The following GBE1 variants were observed in gnomAD, a reference collection of about 807,000 sequenced individuals.
GBE1 encodes the protein 1,4-alpha-glucan branching enzyme 1, also known as 1,4-alpha-glucan-branching enzyme.
A neutral mutation model predicts 88.8 loss-of-function variants in GBE1; 70 were observed. The observed-to-expected ratio is 0.79, with a 90% CI of 0.65 to 0.96. GBE1 has a LOEUF of 0.96. Ranked by LOEUF, GBE1 falls within the 40% of genes least tolerant of loss-of-function variation. The pLI, the probability that GBE1 is intolerant of heterozygous loss-of-function variation, is 0.00. For missense variants in GBE1, 872 were observed against 871.0 expected (o/e 1.00, Z -0.01); for synonymous variants, 284 against 300.1 (o/e 0.95, Z 0.56).
intron 7 of GBE1, among the ~76,000 whole-genome samples, chr3:81,615,849 C>T (rs1704242074): frequency 6.6e-6 from 1 of 152,166 alleles, no homozygotes; most frequent in Non-Finnish European, 1.5e-5. Context: ...TTACAAGAAA[C>T]TACTACATTG....
intron 7 of GBE1, among the ~76,000 whole-genome samples, chr3:81,633,270 C>T (rs1040482053): frequency 6.6e-6 from 1 of 152,014 alleles, no homozygotes; most frequent in African/African-American, 2.4e-5. Flanking sequence ...AATTGAGACA[C>T]TGGGGGAAGT....
At chr3:81,504,023 G>A (rs1282373114) in intron 14 of GBE1, among the ~76,000 whole-genome samples, 1 of 152,106 alleles carries the variant, frequency 6.6e-6, no homozygotes, top group Non-Finnish European at 1.5e-5. Context: ...GAGCAAGGAG[G>A]AGGAGTGAAG....
rs778858144 is a variant in GBE1, at chr3:81,618,448, C to T, written c.992+24333G>A. ...ATGAAAAAACTGTAGAGAAGTGATCCCTAGTTGACCTCAGAAAACTCAACT... is the reference window on the plus strand; with the variant it reads ...ATGAAAAAACTGTAGAGAAGTGATCTCTAGTTGACCTCAGAAAACTCAACT... On this transcript the variant is annotated intron_variant, in intron 7 of 15. Coordinates refer to ENST00000429644, the MANE Select transcript of GBE1 (RefSeq NM_000158.4). Among the ~76,000 whole-genome samples, 80 of 152,032 alleles carry T rather than the reference C, an allele frequency of 5.3e-4. No individual in the cohort carries two copies. In the Middle Eastern group the frequency reaches 0.01, roughly 19 times the overall value.
intron 7 of GBE1, among the ~76,000 whole-genome samples, chr3:81,625,582 C>G (rs991072343): frequency 6.6e-6 from 1 of 152,026 alleles, no homozygotes; most frequent in African/African-American, 2.4e-5. Flanking sequence ...AGACTGCAGG[C>G]ATGCACCACT....
chr3:81,620,552 G>A (rs377434330), intron 7 of GBE1, among the ~76,000 whole-genome samples: 3 of 152,202 alleles, frequency 2.0e-5, no homozygotes, highest in East Asian at 1.9e-4. Context: ...ATTTTAGAAA[G>A]TATTCTAATA....
At chr3:81,715,122 A>C (rs1705923771) in intron 1 of GBE1, among the ~76,000 whole-genome samples, 1 of 152,214 alleles carries the variant, frequency 6.6e-6, no homozygotes, top group African/African-American at 2.4e-5. Context: ...CCATTACGGG[A>C]CAGAAAATGG....
At chr3:81,748,701 G>A (rs930664661) in intron 1 of GBE1, among the ~76,000 whole-genome samples, 1 of 151,880 alleles carries the variant, frequency 6.6e-6, no homozygotes, top group Non-Finnish European at 1.5e-5. Context: ...ATGCAAACTT[G>A]TACAGATACT....
intron 3 of GBE1, among the ~76,000 whole-genome samples, chr3:81,655,382 G>T (rs996196551): frequency 1.3e-5 from 2 of 151,984 alleles, no homozygotes; most frequent in Non-Finnish European, 2.9e-5. Context: ...GAAGAGGGTG[G>T]AAGGAACATA....
At chr3:81,685,619 C>A (rs558760362) in intron 2 of GBE1, among the ~76,000 whole-genome samples, 1 of 152,020 alleles carries the variant, frequency 6.6e-6, no homozygotes, top group African/African-American at 2.4e-5. Flanking sequence ...TGATCTCAGG[C>A]GATCCATCTG....
chr3:81,645,656 C>T (rs1476530548), intron 6 of GBE1, among the ~76,000 whole-genome samples: 2 of 152,130 alleles, frequency 1.3e-5, no homozygotes, highest in East Asian at 3.9e-4. Flanking sequence ...CCTATTTACG[C>T]CCACTTCACC....
chr3:81,504,179 T>C (rs778138545), intron 14 of GBE1, among the ~76,000 whole-genome samples: 4 of 152,138 alleles, frequency 2.6e-5, no homozygotes, highest in Admixed American at 1.3e-4. Flanking sequence ...CATTTCAACA[T>C]GAGATCTTAA....
intron 7 of GBE1, chr3:81,612,368 T>C: frequency 1.3e-6 from 1 of 782,136 alleles, no homozygotes; most frequent in Non-Finnish European, 2.2e-6. Flanking sequence ...TGAAGATGGA[T>C]CACCACGCTC....
At chr3:81,684,470 G>A (rs888444154) in intron 2 of GBE1, among the ~76,000 whole-genome samples, 1 of 152,132 alleles carries the variant, frequency 6.6e-6, no homozygotes, top group African/African-American at 2.4e-5. Flanking sequence ...GCAGAGTACT[G>A]TCTCCATGTT....
chr3:81,535,432 T>A, intron 13 of GBE1, 107 bp from the exon 14 acceptor site: 1 of 1,039,946 alleles, frequency 9.6e-7, no homozygotes, highest in Non-Finnish European at 1.4e-6. Context: ...CAAAAATGAG[T>A]ATTTCAGAAC....
At chr3:81,531,285 T>C (rs535526810) in intron 14 of GBE1, among the ~76,000 whole-genome samples, 3 of 152,094 alleles carry the variant, frequency 2.0e-5, no homozygotes, top group African/African-American at 7.2e-5. Context: ...GGCCTAAAAC[T>C]GGAGGCTTTA....
At chr3:81,545,647 C>T (rs143628251) in intron 12 of GBE1, among the ~76,000 whole-genome samples, 5 of 149,964 alleles carry the variant, frequency 3.3e-5, no homozygotes, top group Admixed American at 1.3e-4. Context: ...TATGTGTGTG[C>T]ATGCCAGTTG....
intron 15 of GBE1, among the ~76,000 whole-genome samples, chr3:81,495,020 C>A (rs1185018944): frequency 2.0e-5 from 3 of 152,192 alleles, no homozygotes; most frequent in African/African-American, 4.8e-5. Context: ...CTTTAAAGGG[C>A]AATTTAAAAA....
chr3:81,552,520 TAAAAA>T (rs58899195), intron 12 of GBE1, among the ~76,000 whole-genome samples: 2 of 55,826 alleles, frequency 3.6e-5, no homozygotes, highest in Admixed American at 2.5e-4. Flanking sequence ...CTATCTTATA[TAAAAA>T]AAAAAAAAAA....
At chr3:81,687,086 A>C (rs1226763249) in intron 2 of GBE1, among the ~76,000 whole-genome samples, 1 of 152,198 alleles carries the variant, frequency 6.6e-6, no homozygotes, top group Admixed American at 6.5e-5. Flanking sequence ...CGTCAATCAG[A>C]TCCAGGAGTG....
Sources: gnomAD v4.1 joint callset for allele counts (sites outside exome capture counted in the v4.1 genomes callset) on GRCh38, gnomAD v4.1.1 for gene constraint, MANE v1.5 for transcripts, NCBI Gene and HGNC (gene_info 2026-07-23, HGNC 2026-07-21) for gene names.